The following GBA1 variants were observed in gnomAD, a reference collection of about 807,000 sequenced individuals.
GBA1 encodes the protein glucosylceramidase beta 1.
the GBA1 span, among the ~76,000 whole-genome samples, chr1:155,241,860 C>T: frequency 2.0e-5 from 3 of 152,176 alleles, no homozygotes; most frequent in Non-Finnish European, 4.4e-5. Context: ...AGTGCGGCTC[C>T]TCTGCAGCGT....
chr1:155,238,762 G>A, the GBA1 span: 20 of 1,592,300 alleles, frequency 1.3e-5, no homozygotes, highest in African/African-American at 2.3e-4. Context: ...AAGGGAACTT[G>A]GGCTCCTGGG....
the GBA1 span, chr1:155,240,739 A>C: frequency 3.8e-6 from 6 of 1,596,164 alleles, no homozygotes; most frequent in Non-Finnish European, 5.2e-6. Flanking sequence ...ATGAGGAATG[A>C]CTGAAAAGCA....
the GBA1 span, chr1:155,239,989 C>T: frequency 4.9e-5 from 79 of 1,613,966 alleles, no homozygotes; most frequent in Non-Finnish European, 6.4e-5. Context: ...CAGGAAAGGT[C>T]GGGGGGTCAA....
chr1:155,236,920 A>G, the GBA1 span, among the ~76,000 whole-genome samples: 1 of 152,024 alleles, frequency 6.6e-6, no homozygotes, highest in Non-Finnish European at 1.5e-5. Context: ...GCTGGAGTGC[A>G]GTGGCGCGAT....
At chr1:155,235,185 T>C in the GBA1 span, 1 of 1,607,708 alleles carries the variant, frequency 6.2e-7, no homozygotes, top group Middle Eastern at 1.7e-4. Flanking sequence ...GACCTCACCA[T>C]TGCCCTCACC....
the GBA1 span, among the ~76,000 whole-genome samples, chr1:155,243,263 A>G: frequency 6.6e-6 from 1 of 152,186 alleles, no homozygotes; most frequent in African/African-American, 2.4e-5. Context: ...TCACTTTTCA[A>G]GGAAACATTG....
chr1:155,240,324 C>T, the GBA1 span: 19 of 602,068 alleles, frequency 3.2e-5, no homozygotes, highest in Non-Finnish European at 5.0e-5. Flanking sequence ...ATTAGCTGGG[C>T]GTAGTGGTGG....
At chr1:155,236,563 A>C in the GBA1 span, 7 of 979,372 alleles carry the variant, frequency 7.1e-6, no homozygotes, top group South Asian at 9.5e-5. Flanking sequence ...GGTGACGGGA[A>C]GAATGCAACT....
the GBA1 span, chr1:155,237,800 G>C: frequency 2.3e-5 from 22 of 943,324 alleles, no homozygotes; most frequent in African/African-American, 3.3e-5. Context: ...TACTTGGAAG[G>C]CTGAGGCAGG....
At chr1:155,242,896 C>G in the GBA1 span, among the ~76,000 whole-genome samples, 4 of 152,154 alleles carry the variant, frequency 2.6e-5, no homozygotes, top group Admixed American at 2.6e-4. Flanking sequence ...CCCGGTCCCT[C>G]CAGTAATTAA....
At chr1:155,236,083 C>T in the GBA1 span, 2 of 778,300 alleles carry the variant, frequency 2.6e-6, no homozygotes, top group Non-Finnish European at 4.4e-6. Context: ...GTGTGCAGAC[C>T]TGTGAAGGAA....
the GBA1 span, chr1:155,241,062 C>A: frequency 6.2e-7 from 1 of 1,606,168 alleles, no homozygotes; most frequent in East Asian, 2.2e-5. Context: ...TGTGACAATG[C>A]TGATTGGGAG....
At chr1:155,240,341 GT>G in the GBA1 span, 14 of 601,970 alleles carry the variant, frequency 2.3e-5, no homozygotes, top group South Asian at 2.8e-4. Flanking sequence ...GTGGCCGCCT[GT>G]AATCCCAGCT....
chr1:155,236,156 C>G, the GBA1 span: 11 of 1,164,966 alleles, frequency 9.4e-6, no homozygotes, highest in Admixed American at 2.0e-5. Flanking sequence ...CTGGGGAAAG[C>G]TGGACAGGAA....
At chr1:155,240,783 C>T in the GBA1 span, 1 of 1,389,090 alleles carries the variant, frequency 7.2e-7, no homozygotes, top group South Asian at 1.2e-5. Context: ...CTCTCCTGGG[C>T]AGGGCTTAGC....
the GBA1 span, chr1:155,235,246 G>C: frequency 1.9e-6 from 3 of 1,613,854 alleles, no homozygotes; most frequent in Non-Finnish European, 1.7e-6. Flanking sequence ...CAGTGCCACT[G>C]CGTCCAGGTC....
chr1:155,236,374 C>G, the GBA1 span: 10 of 1,613,988 alleles, frequency 6.2e-6, no homozygotes, highest in Non-Finnish European at 7.6e-6. Flanking sequence ...GGCGGTGTGT[C>G]TCCCCTAGGG....
chr1:155,240,643 C>T, the GBA1 span: 1 of 1,613,612 alleles, frequency 6.2e-7, no homozygotes. Context: ...ATGCCCACGA[C>T]ACTGCCTGAA....
the GBA1 span, chr1:155,235,708 G>A: frequency 1.2e-6 from 2 of 1,611,508 alleles, no homozygotes. Context: ...GTAGAACATG[G>A]GCTGTTTGTA....
Sources: gnomAD v4.1 joint callset for allele counts (sites outside exome capture counted in the v4.1 genomes callset) on GRCh38, gnomAD v4.1.1 for gene constraint, MANE v1.5 for transcripts, NCBI Gene and HGNC (gene_info 2026-07-23, HGNC 2026-07-21) for gene names.